ST3GAL2: variants seen among roughly 807,000 people sequenced by gnomAD.
ST3GAL2 encodes CMP-N-acetylneuraminate-beta-galactosamide-alpha-2,3-sialyltransferase 2.
Under a neutral mutation model 37.5 loss-of-function variants are expected in ST3GAL2, and 16 were observed. The observed-to-expected ratio is 0.43, with a 90% CI of 0.29 to 0.65. ST3GAL2 has a LOEUF of 0.65. Among genes scored for constraint, ST3GAL2 ranks in the 30% least tolerant of loss-of-function variants. ST3GAL2 has a pLI of 0.17. For synonymous variants in ST3GAL2, 238 were observed against 202.9 expected, an observed-to-expected ratio of 1.17 and a Z score of -1.47; for missense variants, 383 against 487.8, an observed-to-expected ratio of 0.79 and a Z score of 2.02.
chr16:70,419,517 A>C (rs2151673917), intron 1 of ST3GAL2, among the ~76,000 whole-genome samples: 1 of 152,278 alleles, frequency 6.6e-6, no homozygotes, highest in African/African-American at 2.4e-5. Context: ...TGCAAACCAG[A>C]GGGCAGCGGC....
At position 70,426,181 on chromosome 16, in the gene ST3GAL2, C is replaced by CTTT. The variant is rs56342720; in HGVS notation, c.-1004+12765_-1004+12767dup. ...TGCAATGCATTATGGGGGCCAAAGC[C>CTTT]TTTTTTTTTTTTTTTTTTTTTTTTG... On this transcript the variant is annotated intron_variant, in intron 1 of 6. Coordinates refer to ENST00000342907, the MANE Select transcript of ST3GAL2 (RefSeq NM_006927.4). 2.9e-3 allele frequency among the ~76,000 whole-genome samples: 293 copies of CTTT among 99,500 alleles called. 8 individuals carry two copies. The highest frequency in any genetic ancestry group is 0.012 in the East Asian group (38 of 3,140). 65.3% of individuals were successfully genotyped at this position (99,500 alleles called of 152,430 possible).
intron 4 of ST3GAL2, among the ~76,000 whole-genome samples, chr16:70,386,277 T>C (rs1402593215): frequency 6.6e-6 from 1 of 151,794 alleles, no homozygotes; most frequent in Non-Finnish European, 1.5e-5. Context: ...AAGCTCCGCC[T>C]CCCGGGTTCA....
intron 4 of ST3GAL2, among the ~76,000 whole-genome samples, chr16:70,387,220 C>T (rs1345671714): frequency 6.6e-6 from 1 of 152,058 alleles, no homozygotes. Context: ...TCTGCCACTG[C>T]ACTCCAGTCT....
intron 1 of ST3GAL2, among the ~76,000 whole-genome samples, chr16:70,431,466 G>C (rs2047789382): frequency 6.6e-6 from 1 of 152,162 alleles, no homozygotes; most frequent in South Asian, 2.1e-4. Flanking sequence ...CACCTCCCAG[G>C]AGGACGGGCC....
At chr16:70,438,647 AGGGCTG>A (rs1043457404) in intron 1 of ST3GAL2, among the ~76,000 whole-genome samples, 5 of 109,844 alleles carry the variant, frequency 4.6e-5, no homozygotes, top group Admixed American at 9.7e-5. Flanking sequence ...AGCTCTTCCG[AGGGCTG>A]GGGCTGGGGC....
chr16:70,383,468 C>T (rs1414031926), intron 4 of ST3GAL2, among the ~76,000 whole-genome samples: 1 of 150,938 alleles, frequency 6.6e-6, no homozygotes, highest in African/African-American at 2.4e-5. Flanking sequence ...GCTGTTATCC[C>T]AGCTACTTGG....
At chr16:70,426,186 T>TC (rs1167191304) in intron 1 of ST3GAL2, among the ~76,000 whole-genome samples, 2 of 129,458 alleles carry the variant, frequency 1.5e-5, no homozygotes, top group African/African-American at 6.8e-5. Context: ...AAAGCCTTTT[T>TC]TTTTTTTTTT....
intron 1 of ST3GAL2, among the ~76,000 whole-genome samples, chr16:70,426,099 T>A (rs1045335759): frequency 3.3e-5 from 5 of 151,510 alleles, no homozygotes; most frequent in African/African-American, 1.2e-4. Flanking sequence ...AAAAAGAACA[T>A]GACCGTCAAT....
In ST3GAL2 at chr16:70,399,096, A is replaced by T. The variant is rs2047537741; in HGVS notation, c.-566T>A. 2.5e-6 allele frequency: 1 copy of T among 400,786 alleles called. No homozygotes were observed. Among genetic ancestry groups the T allele is most frequent in the Non-Finnish European group, 4.4e-6 (1 of 227,592 alleles). The allele number at this position is 400,786 out of a possible 1,614,324, so 24.8% of individuals were successfully genotyped here. A position where few individuals can be genotyped will look rare whatever the true frequency, so the allele number is the denominator to read the frequency against. ...CCTGGCCCAAAACCTCTGCCAGAGG[A>T]GGGGAGCCAGACCCCAACCCTGAGA... On this transcript the variant is annotated 5_prime_UTR_variant, in exon 2 of 7. Transcript: ENST00000342907.
At position 70,380,036 on chromosome 16, in the gene ST3GAL2, G is replaced by A. The variant is rs887474097; in HGVS notation, c.*1653C>T. 6.6e-6 allele frequency: 1 copy of A among 152,168 alleles called. No individual in the cohort carries two copies. Among genetic ancestry groups the A allele is most frequent in the Admixed American group, 6.6e-5 (1 of 15,260 alleles). 9.4% of individuals were successfully genotyped at this position (152,168 alleles called of 1,614,324 possible). A position where few individuals can be genotyped will look rare whatever the true frequency, so the allele number is the denominator to read the frequency against. On this transcript the variant is annotated 3_prime_UTR_variant, in exon 7 of 7. Coordinates refer to ENST00000342907, the MANE Select transcript of ST3GAL2 (RefSeq NM_006927.4). Reference sequence around the variant, plus strand: ...TTGCTTTTCATCAACACTCAAAACAGCCTCTTCAGGAAGCACTGAGATGGG... The same window carrying A: ...TTGCTTTTCATCAACACTCAAAACAACCTCTTCAGGAAGCACTGAGATGGG...
intron 3 of ST3GAL2, among the ~76,000 whole-genome samples, chr16:70,392,307 C>G (rs912595446): frequency 6.6e-6 from 1 of 152,220 alleles, no homozygotes; most frequent in Non-Finnish European, 1.5e-5. Context: ...CCTGGAGAAG[C>G]CACGCCCTGG....
chr16:70,389,971 A>T (rs2047471789), intron 3 of ST3GAL2, among the ~76,000 whole-genome samples: 1 of 151,242 alleles, frequency 6.6e-6, no homozygotes, highest in Non-Finnish European at 1.5e-5. Context: ...CATTTTTAGT[A>T]GAGACAGGGT....
At chr16:70,429,778 A>G (rs1471830872) in intron 1 of ST3GAL2, among the ~76,000 whole-genome samples, 2 of 150,550 alleles carry the variant, frequency 1.3e-5, no homozygotes, top group African/African-American at 4.9e-5. Context: ...AGTAGCTGGG[A>G]TTACAGGCGC....
In ST3GAL2 at chr16:70,439,017, A is replaced by AGCCGTCGCC. The variant is rs1304655416; in HGVS notation, c.-1081_-1073dup. 2 of 161,408 alleles carry AGCCGTCGCC rather than the reference A, an allele frequency of 1.2e-5. No homozygotes were observed. The highest frequency in any genetic ancestry group is 2.5e-5 in the African/African-American group (1 of 40,724). The allele number at this position is 161,408 out of a possible 1,614,324, so 10.0% of individuals were successfully genotyped here. Reference sequence around the variant, plus strand: ...GGCCGCCGCCGCCGCCCGCGCAGAAAGCCGTCGCCGCCGCCGCCGCCGCCG... The same window carrying AGCCGTCGCC: ...GGCCGCCGCCGCCGCCCGCGCAGAAAGCCGTCGCCGCCGTCGCCGCCGCCGCCGCCGCCG... On this transcript the variant is annotated 5_prime_UTR_variant, in exon 1 of 7. Coordinates refer to ENST00000342907, the MANE Select transcript of ST3GAL2 (RefSeq NM_006927.4).
At chr16:70,385,614 G>C (rs1347049310) in intron 4 of ST3GAL2, among the ~76,000 whole-genome samples, 3 of 151,834 alleles carry the variant, frequency 2.0e-5, no homozygotes, top group African/African-American at 7.3e-5. Context: ...CTCGGGGTGG[G>C]AGGAGTGGGG....
intron 1 of ST3GAL2, among the ~76,000 whole-genome samples, chr16:70,435,876 C>A (rs1017631662): frequency 1.7e-4 from 26 of 151,760 alleles, no homozygotes; most frequent in Non-Finnish European, 3.5e-4. Flanking sequence ...GCCTCTAATC[C>A]CAACAGTGGG....
intron 3 of ST3GAL2, among the ~76,000 whole-genome samples, chr16:70,392,880 G>A (rs2151660993): frequency 6.6e-6 from 1 of 152,090 alleles, no homozygotes; most frequent in Admixed American, 6.6e-5. Flanking sequence ...AAACTCTTGG[G>A]CTCAAACGAT....
Position 70,408,597 on chromosome 16 carries a change from G to A in ST3GAL2, c.-1003-9064C>T, listed in dbSNP as rs922740404. Among the ~76,000 whole-genome samples the A allele has an allele frequency of 9.9e-5, 15 of 152,064 alleles. 1 individual carries two copies. The highest frequency in any genetic ancestry group is 9.2e-4 in the Admixed American group (14 of 15,252). ...ACAGACCCCTCAGTGCTACCCTAGG[G>A]ACTCAGGCCCTTTCCACTCCGCAGC... On this transcript the variant is annotated intron_variant, in intron 1 of 6. Transcript: ENST00000342907.
rs569208096 is a variant in ST3GAL2 at position 70,424,526 on chromosome 16, G to A, written c.-1004+14423C>T. 5.1e-4 allele frequency among the ~76,000 whole-genome samples: 77 copies of A among 151,796 alleles called. 1 individual carries two copies. In the South Asian group the frequency reaches 0.013, roughly 25 times the overall value. ...TGAGACAGGAGAATTGCTTGAACCCGGGAGGTGGAGGTCGCGGTGAGCCGA... is the reference window on the plus strand; with the variant it reads ...TGAGACAGGAGAATTGCTTGAACCCAGGAGGTGGAGGTCGCGGTGAGCCGA... On this transcript the variant is annotated intron_variant, in intron 1 of 6. Coordinates refer to ENST00000342907, the MANE Select transcript of ST3GAL2 (RefSeq NM_006927.4).
Sources: allele counts gnomAD v4.1 joint callset (sites outside exome capture counted in the v4.1 genomes callset), GRCh38; gene constraint gnomAD v4.1.1; transcripts MANE v1.5; gene names NCBI Gene and HGNC (gene_info 2026-07-23, HGNC 2026-07-21).